PLG: variants seen among roughly 807,000 people sequenced by gnomAD.
The protein encoded by PLG is plasmin.
PLG carries 41 observed loss-of-function variants against 104.4 expected under a neutral mutation model. That is an observed-to-expected ratio of 0.39 (90% CI 0.31 to 0.51). The LOEUF (loss-of-function observed/expected upper bound fraction) is 0.51. PLG is among the 20% of genes least tolerant of loss of function. The pLI, the probability that PLG is intolerant of heterozygous loss-of-function variation, is 0.76. For missense variants in PLG, 891 were observed against 1,003.6 expected, an observed-to-expected ratio of 0.89 and a Z score of 1.52; for synonymous variants, 337 against 357.1, an observed-to-expected ratio of 0.94 and a Z score of 0.63.
At chr6:160,702,632 C>G (rs996160963) in intron 1 of PLG, among the ~76,000 whole-genome samples, 1 of 152,114 alleles carries the variant, frequency 6.6e-6, no homozygotes, top group Non-Finnish European at 1.5e-5. Context: ...TGAAAAAGAG[C>G]CAATGTAGCT....
chr6:160,711,368 T>C, intron 4 of PLG, 177 bp downstream of exon 4: 2 of 698,976 alleles, frequency 2.9e-6, no homozygotes, highest in Non-Finnish European at 4.9e-6. Context: ...TAATCCCTAA[T>C]ATAATGTAAA....
rs1294420311 is a variant in PLG at position 160,736,629 on chromosome 6, G to A, written c.1682-258G>A. Among the ~76,000 whole-genome samples, 3 of 152,140 alleles carry A rather than the reference G, an allele frequency of 2.0e-5. No individual in the cohort carries two copies. Among genetic ancestry groups the A allele is most frequent in the Non-Finnish European group, 4.4e-5 (3 of 68,042 alleles). On this transcript the variant is annotated intron_variant, in intron 13 of 18. Transcript: ENST00000308192. This position sits in a 1 kb window ranked among gnomAD's most constrained non-coding sequence, Gnocchi z 5.2. ...TTCTCAGAAAATATCTCATTCTGAT[G>A]CTAAACTATACCAGTCTGTTTGATC...
rs759510598 is a variant in PLG at position 160,711,080 on chromosome 6, A to T, written c.296A>T (p.Tyr99Phe). The change falls in exon 4 of 19, where the codon TAT (tyrosine) becomes TTT (phenylalanine). Residue 99 changes from tyrosine (Y) to phenylalanine (F), a missense_variant. This residue lies in a region of PLG where 854 missense variants were observed against 932.1 expected (regional missense o/e 0.92). Coordinates refer to ENST00000308192, the MANE Select transcript of PLG (RefSeq NM_000301.5). ...RDVVLFEKKV[Y>F]LSECKTGNGK... ...CACTGTGTGGACTTCCCTTCAGTGT[A>T]TCTCTCAGAGTGCAAGACTGGGAAT... 7 of 1,613,098 alleles carry T rather than the reference A, an allele frequency of 4.3e-6. No individual in the cohort carries two copies. The Admixed American group carries it at 6.7e-5, about 15-fold the overall frequency.
chr6:160,746,332 C>A (rs375471467), intron 17 of PLG, among the ~76,000 whole-genome samples: 13 of 152,094 alleles, frequency 8.5e-5, no homozygotes, highest in Non-Finnish European at 1.6e-4. Context: ...CCTTTTCATT[C>A]TTTTTTCTTA....
At position 160,739,175 on chromosome 6, in the gene PLG, C is replaced by T. The variant is rs765041629; in HGVS notation, c.1985C>T (p.Thr662Ile). Residue 662 changes from threonine (T) to isoleucine (I), a missense_variant, in exon 16 of 19, where the codon ACA (threonine) becomes ATA (isoleucine). This residue lies in a region of PLG where 854 missense variants were observed against 932.1 expected (regional missense o/e 0.92). Coordinates refer to ENST00000308192, the MANE Select transcript of PLG (RefSeq NM_000301.5). This position sits in a 1 kb window ranked among gnomAD's most constrained non-coding sequence, Gnocchi z 4.4. ...GTGTCTAGGCTGTTCTTGGAGCCCA[C>T]ACGAAAAGATATTGCCTTGCTAAAG... is the stretch of plus-strand genomic sequence containing the variant. Reference protein sequence around the residue: ...IEVSRLFLEPTRKDIALLKLS... With the variant: ...IEVSRLFLEPIRKDIALLKLS... The T allele has an allele frequency of 1.2e-6, 2 of 1,614,144 alleles. No individual in the cohort carries two copies. The highest frequency in any genetic ancestry group is 1.7e-6 in the Non-Finnish European group (2 of 1,180,022).
At chr6:160,729,797 A>C (rs1418915040) in intron 10 of PLG, among the ~76,000 whole-genome samples, 1 of 152,226 alleles carries the variant, frequency 6.6e-6, no homozygotes, top group Non-Finnish European at 1.5e-5. Flanking sequence ...GTTCTGTATC[A>C]TATGGGAGTG....
rs3057066 is a variant in PLG at position 160,720,410 on chromosome 6, C to CTTTTTTTTTTTTTTTTT, written c.1096+1583_1096+1599dup. On this transcript the variant is annotated intron_variant, in intron 9 of 18. Transcript: ENST00000308192. ...TCTTTTCTCTTTTTTCTTTTCTTTT[C>CTTTTTTTTTTTTTTTTT]TTTTTTTTTTTTTTTTTTTTTTTTT... Among the ~76,000 whole-genome samples the CTTTTTTTTTTTTTTTTT allele has an allele frequency of 1.2e-3, 73 of 58,528 alleles. 8 individuals carry two copies. The highest frequency in any genetic ancestry group is 0.019 in the Middle Eastern group (1 of 54). 38.4% of individuals were successfully genotyped at this position (58,528 alleles called of 152,430 possible).
intron 6 of PLG, among the ~76,000 whole-genome samples, chr6:160,715,652 G>T (rs1371296535): frequency 6.6e-6 from 1 of 152,172 alleles, no homozygotes; most frequent in Non-Finnish European, 1.5e-5. Context: ...GCCATACCAG[G>T]GCTTTCAAGA....
chr6:160,719,099 AT>A lies in PLG; in HGVS notation c.1096+264del, dbSNP rs1161364462. On this transcript the variant is annotated intron_variant, in intron 9 of 18. Coordinates refer to ENST00000308192, the MANE Select transcript of PLG (RefSeq NM_000301.5). The surrounding 1 kb of genome is among the most constrained non-coding windows in gnomAD (Gnocchi z 4.1). The stretch of plus-strand genomic sequence containing the variant: ...TTGGGTGGGGTGTTCCCTCAAGGTC[AT>A]TTAGGTGAAGTTGGTTGCTGGTGTT... Among the ~76,000 whole-genome samples the A allele has an allele frequency of 6.6e-6, 1 of 152,150 alleles. No individual in the cohort carries two copies. The highest frequency in any genetic ancestry group is 2.4e-5 in the African/African-American group (1 of 41,434).
intron 17 of PLG, among the ~76,000 whole-genome samples, chr6:160,748,198 A>T (rs1019894786): frequency 6.7e-6 from 1 of 148,612 alleles, no homozygotes; most frequent in Non-Finnish European, 1.5e-5. Flanking sequence ...CCAGCTACTC[A>T]GGAGGCTGAG....
chr6:160,712,855 G>A, intron 4 of PLG, 131 bp from the exon 5 acceptor site: 1 of 750,188 alleles, frequency 1.3e-6, no homozygotes, highest in Non-Finnish European at 2.4e-6. Context: ...CCACACAAAT[G>A]CTGCAGCACC....
chr6:160,704,242 A>G (rs1362353394), intron 1 of PLG, among the ~76,000 whole-genome samples: 4 of 152,250 alleles, frequency 2.6e-5, no homozygotes, highest in Non-Finnish European at 5.9e-5. Flanking sequence ...AAATGGGGGA[A>G]AATTATTTCA....
chr6:160,718,546 A>G, intron 8 of PLG, 90 bp downstream of exon 8: 2 of 1,368,286 alleles, frequency 1.5e-6, no homozygotes, highest in South Asian at 2.3e-5. Context: ...AACGCAGGAT[A>G]AAGTATTCTG....
chr6:160,717,431 G>T (rs995205492), intron 7 of PLG, among the ~76,000 whole-genome samples: 2 of 151,700 alleles, frequency 1.3e-5, no homozygotes, highest in Non-Finnish European at 2.9e-5. Context: ...AGTTCCTCAG[G>T]CATTCTCCCT....
At chr6:160,718,226 G>T (rs1582937765) in intron 7 of PLG, 68 bp from the exon 8 acceptor site, 2 of 1,392,498 alleles carry the variant, frequency 1.4e-6, no homozygotes, top group East Asian at 2.3e-5. Flanking sequence ...ACTCCAGCCT[G>T]GGCGACAGAG....
At chr6:160,705,079 C>T (rs561517357) in intron 1 of PLG, among the ~76,000 whole-genome samples, 15 of 152,190 alleles carry the variant, frequency 9.9e-5, no homozygotes, top group African/African-American at 2.9e-4. Flanking sequence ...CCTCTGCCTG[C>T]GGCCCCCACC....
In PLG at chr6:160,734,534, A is replaced by G. The variant is rs948746008; in HGVS notation, c.1681+446A>G. 4.6e-5 allele frequency among the ~76,000 whole-genome samples: 7 copies of G among 152,156 alleles called. No individual in the cohort carries two copies. Among genetic ancestry groups the G allele is most frequent in the Non-Finnish European group, 1.0e-4 (7 of 68,030 alleles). On this transcript the variant is annotated intron_variant, in intron 13 of 18. Coordinates refer to ENST00000308192, the MANE Select transcript of PLG (RefSeq NM_000301.5). The surrounding 1 kb of genome is among the most constrained non-coding windows in gnomAD (Gnocchi z 4.4). ...CTCAGATGGCCATCCTAGGAATTCAATGAAAGGTAGTGCAGCTCTTTAGCC... is the reference window on the plus strand; with the variant it reads ...CTCAGATGGCCATCCTAGGAATTCAGTGAAAGGTAGTGCAGCTCTTTAGCC...
intron 1 of PLG, among the ~76,000 whole-genome samples, chr6:160,703,164 T>A (rs1389499255): frequency 6.6e-6 from 1 of 152,132 alleles, no homozygotes; most frequent in Non-Finnish European, 1.5e-5. Context: ...AAAACTGGAT[T>A]TAAGCCAGGT....
chr6:160,751,895 C>G (rs1314117643), intron 17 of PLG, among the ~76,000 whole-genome samples: 1 of 152,126 alleles, frequency 6.6e-6, no homozygotes, highest in Admixed American at 6.5e-5. Flanking sequence ...AACCCCAAAC[C>G]AACACGACAA....
Sources: allele counts gnomAD v4.1 joint callset (sites outside exome capture counted in the v4.1 genomes callset), GRCh38; gene constraint gnomAD v4.1.1; regional missense constraint gnomAD v4.1.1; non-coding constraint Gnocchi (gnomAD v3.1); transcripts MANE v1.5; gene names NCBI Gene and HGNC (gene_info 2026-07-23, HGNC 2026-07-21).